SOX5: variants seen among roughly 807,000 people sequenced by gnomAD.
The protein encoded by SOX5 is transcription factor SOX-5.
A neutral mutation model predicts 92.0 loss-of-function variants in SOX5; 9 were observed. The ratio of observed to expected loss-of-function variants is 0.10; its 90% CI spans 0.06 to 0.17. SOX5 has a LOEUF of 0.17. SOX5 is among the 10% of genes least tolerant of loss of function. The probability of loss-of-function intolerance (pLI) is 1.00; values close to 1 mark genes in which losing one functional copy is unlikely to be tolerated. For missense variants in SOX5, 642 were observed against 944.5 expected (o/e 0.68, Z 4.20); for synonymous variants, 344 against 336.3 (o/e 1.02, Z -0.25).
chr12:24,055,475 A>G (rs1342664678), intron 4 of SOX5, among the ~76,000 whole-genome samples: 1 of 152,250 alleles, frequency 6.6e-6, no homozygotes, highest in Non-Finnish European at 1.5e-5. Flanking sequence ...GTCACAACGA[A>G]GTTTCAAACA....
chr12:24,364,275 T>C (rs1955908866), intron 2 of SOX5, among the ~76,000 whole-genome samples: 1 of 152,004 alleles, frequency 6.6e-6, no homozygotes, highest in South Asian at 2.1e-4. Context: ...TAGGAAATGT[T>C]TTTACAATTC....
chr12:24,362,358 G>A (rs971797095), intron 2 of SOX5, among the ~76,000 whole-genome samples: 15 of 152,170 alleles, frequency 9.9e-5, no homozygotes, highest in African/African-American at 3.1e-4. Flanking sequence ...GGGATTTCCT[G>A]CTAAGATTTA....
intron 9 of SOX5, chr12:23,603,932 G>A (rs1035808503): frequency 2.5e-5 from 4 of 158,086 alleles, no homozygotes; most frequent in African/African-American, 7.2e-5. Context: ...TGTATTTTAA[G>A]GTCTATTTCA....
intron 3 of SOX5, among the ~76,000 whole-genome samples, chr12:24,253,751 G>A (rs1940624154): frequency 6.6e-6 from 1 of 152,130 alleles, no homozygotes; most frequent in Admixed American, 6.5e-5. Context: ...CAAATTTCCT[G>A]TGAAAGGATG....
chr12:24,143,885 AAGG>A (rs761150041), intron 4 of SOX5, among the ~76,000 whole-genome samples: 113 of 149,896 alleles, frequency 7.5e-4, no homozygotes, highest in Admixed American at 1.1e-3. Flanking sequence ...AGGAGGAGGA[AAGG>A]AGGAGGAGGA....
intron 1 of SOX5, among the ~76,000 whole-genome samples, chr12:24,514,332 T>C (rs1267865424): frequency 6.6e-6 from 1 of 152,188 alleles, no homozygotes; most frequent in Non-Finnish European, 1.5e-5. Context: ...TAAAGATTTG[T>C]ATGCATGCTT....
Position 24,461,287 on chromosome 12 carries a change from G to A in SOX5, c.-250-92648C>T, listed in dbSNP as rs79426902. Among the ~76,000 whole-genome samples, 691 of 152,146 alleles carry A rather than the reference G, an allele frequency of 4.5e-3. 11 individuals carry two copies. The East Asian group carries it at 0.05, about 11-fold the overall frequency. On this transcript the variant is annotated intron_variant, in intron 1 of 4. Transcript: ENST00000446891. ...TTTAAGTCAGAAAAGTGGCCACTAC[G>A]ATTCTAGTTTTGAACACAGTGAATT...
chr12:23,629,825 T>C (rs916079868), intron 8 of SOX5, among the ~76,000 whole-genome samples: 1 of 151,976 alleles, frequency 6.6e-6, no homozygotes, highest in Non-Finnish European at 1.5e-5. Context: ...GCATTTCTTA[T>C]AATGCTTAGC....
At chr12:23,962,782 G>T (rs1396587339) in intron 4 of SOX5, among the ~76,000 whole-genome samples, 4 of 151,870 alleles carry the variant, frequency 2.6e-5, no homozygotes, top group Non-Finnish European at 4.4e-5. Context: ...TCTTATTTTT[G>T]ATCTAAAAAT....
intron 9 of SOX5, among the ~76,000 whole-genome samples, chr12:23,586,496 TGCATTTCATTTC>T (rs1189296954): frequency 6.6e-6 from 1 of 152,198 alleles, no homozygotes; most frequent in African/African-American, 2.4e-5. Flanking sequence ...AAAAAATTCT[TGCATTTCATTTC>T]GTTCGGATTA....
chr12:23,937,708 G>T (rs1011621382), intron 1 of SOX5, among the ~76,000 whole-genome samples: 25 of 150,860 alleles, frequency 1.7e-4, no homozygotes, highest in Non-Finnish European at 7.4e-5. Context: ...CTTTATTAGT[G>T]AAACCTACTT....
intron 1 of SOX5, among the ~76,000 whole-genome samples, chr12:24,534,237 T>C (rs1951437136): frequency 6.6e-6 from 1 of 151,862 alleles, no homozygotes; most frequent in Non-Finnish European, 1.5e-5. Flanking sequence ...CAGTTGAGGG[T>C]TTCATGTTAT....
rs572405705 is a variant in SOX5 at position 23,539,766 on chromosome 12, G to T, written c.1772-3097C>A. Among the ~76,000 whole-genome samples, 602 of 152,212 alleles carry T rather than the reference G, an allele frequency of 4.0e-3. 16 individuals carry two copies. The highest frequency in any genetic ancestry group is 1.3e-3 in the Non-Finnish European group (91 of 68,012). ...GTATAATTTCTTTGAGAGTATCACT[G>T]AATCCTAAATTACACTTTAAAATAT... is the stretch of plus-strand genomic sequence containing the variant. On this transcript the variant is annotated intron_variant, in intron 13 of 14. Coordinates refer to ENST00000451604, the MANE Select transcript of SOX5 (RefSeq NM_006940.6).
chr12:24,248,584 C>T (rs2140137050), intron 3 of SOX5, among the ~76,000 whole-genome samples: 1 of 152,240 alleles, frequency 6.6e-6, no homozygotes, highest in East Asian at 1.9e-4. Flanking sequence ...GGAGTTTTAC[C>T]ATGTTGGCCA....
At chr12:23,766,283 A>G (rs1038039609) in intron 3 of SOX5, among the ~76,000 whole-genome samples, 2 of 152,160 alleles carry the variant, frequency 1.3e-5, no homozygotes, top group African/African-American at 2.4e-5. Context: ...ATAAAGTTAA[A>G]TTTAAACTAC....
intron 3 of SOX5, among the ~76,000 whole-genome samples, chr12:23,831,957 T>TACACGCACACACACACAC (rs367953254): frequency 0.017 from 2,363 of 142,822 alleles, 32 homozygotes; most frequent in South Asian, 0.034. Context: ...AAAGGGGAAC[T>TACACGCACACACACACAC]ACACACACAC....
chr12:24,196,740 C>T (rs1356313806), intron 4 of SOX5, among the ~76,000 whole-genome samples: 15 of 151,836 alleles, frequency 9.9e-5, no homozygotes. Flanking sequence ...TCCATCTCAA[C>T]AAAAATACAA....
intron 2 of SOX5, among the ~76,000 whole-genome samples, chr12:23,873,670 CAA>C (rs1595256185): frequency 1.3e-5 from 2 of 152,158 alleles, no homozygotes; most frequent in East Asian, 3.8e-4. Flanking sequence ...TTCCTTAAAT[CAA>C]ACAGTCTCTA....
At chr12:24,131,983 A>T (rs1949689795) in intron 4 of SOX5, among the ~76,000 whole-genome samples, 1 of 152,164 alleles carries the variant, frequency 6.6e-6, no homozygotes, top group African/African-American at 2.4e-5. Context: ...TAGCTCAAGG[A>T]GCACGACCAC....
Sources: gnomAD v4.1 joint callset for allele counts (sites outside exome capture counted in the v4.1 genomes callset) on GRCh38, gnomAD v4.1.1 for gene constraint, MANE v1.5 for transcripts, NCBI Gene and HGNC (gene_info 2026-07-23, HGNC 2026-07-21) for gene names.